CSMD2: variants seen among roughly 807,000 people sequenced by gnomAD.
The protein encoded by CSMD2 is CUB and sushi domain-containing protein 2.
Under a neutral mutation model 398.5 loss-of-function variants are expected in CSMD2, and 130 were observed. That is an observed-to-expected ratio of 0.33 (90% CI 0.28 to 0.38). The LOEUF (loss-of-function observed/expected upper bound fraction) is 0.38. Among genes scored for constraint, CSMD2 ranks in the 10% least tolerant of loss-of-function variants. CSMD2 has a pLI of 1.00. For synonymous variants in CSMD2, 1,828 were observed against 1,908.5 expected (o/e 0.96, Z 1.10); for missense variants, 3,829 against 4,764.9 (o/e 0.80, Z 5.78).
intron 1 of CSMD2, among the ~76,000 whole-genome samples, chr1:34,144,455 A>G (rs1001707177): frequency 6.6e-6 from 1 of 152,140 alleles, no homozygotes; most frequent in African/African-American, 2.4e-5. Context: ...AACTTGGCAT[A>G]CTTAGCTCAG....
intron 53 of CSMD2, among the ~76,000 whole-genome samples, chr1:33,561,417 C>T (rs1394846621): frequency 6.6e-6 from 1 of 152,132 alleles, no homozygotes; most frequent in African/African-American, 2.4e-5. Context: ...TCTATAGCTG[C>T]AAAGTAAGAA....
chr1:33,908,085 CAAAAAAAAAAAA>C (rs35932181), intron 5 of CSMD2, among the ~76,000 whole-genome samples: 4 of 77,166 alleles, frequency 5.2e-5, no homozygotes, highest in African/African-American at 6.1e-5. Context: ...GACTCCATCT[CAAAAAAAAAAAA>C]AAAAAAAAAA....
rs944652760 is a variant in CSMD2, at chr1:34,102,191, C to T, written c.188-12998G>A. ...GACTACAGGTGCCCGCCACCACGCC[C>T]GGCTAATTTTTTTTACTTTTAGTAG... On this transcript the variant is annotated intron_variant, in intron 1 of 70. Coordinates refer to ENST00000373381, the MANE Select transcript of CSMD2 (RefSeq NM_001281956.2). 7.9e-5 allele frequency among the ~76,000 whole-genome samples: 12 copies of T among 152,118 alleles called. No homozygotes were observed. The South Asian group carries it at 1.9e-3, about 24-fold the overall frequency.
chr1:33,583,894 T>C lies in CSMD2; in HGVS notation c.7052-64A>G, dbSNP rs531250831. The C allele has an allele frequency of 2.8e-6, 4 of 1,441,386 alleles. No homozygotes were observed. The South Asian group carries it at 4.9e-5, about 18-fold the overall frequency. 89.3% of individuals were successfully genotyped at this position (1,441,386 alleles called of 1,614,324 possible). On this transcript the variant is annotated intron_variant, in intron 46 of 70. Coordinates refer to ENST00000373381, the MANE Select transcript of CSMD2 (RefSeq NM_001281956.2). The stretch of plus-strand genomic sequence containing the variant: ...GGAGATGGAACTACGGCCAATACAT[T>C]TGCTTTTCCCAATACTAAAGACAAC...
At chr1:33,929,430 T>C (rs925570703) in intron 4 of CSMD2, among the ~76,000 whole-genome samples, 1 of 142,114 alleles carries the variant, frequency 7.0e-6, no homozygotes, top group African/African-American at 2.7e-5. Flanking sequence ...ACCAAGCCTA[T>C]ACTTTTTTTT....
At chr1:33,975,964 A>T (rs758077384) in intron 3 of CSMD2, among the ~76,000 whole-genome samples, 2 of 152,244 alleles carry the variant, frequency 1.3e-5, no homozygotes, top group African/African-American at 2.4e-5. Flanking sequence ...AACGTCACTC[A>T]AGATCCCTCC....
At chr1:34,036,188 T>C (rs779749055) in intron 2 of CSMD2, among the ~76,000 whole-genome samples, 4 of 151,694 alleles carry the variant, frequency 2.6e-5, no homozygotes, top group Non-Finnish European at 5.9e-5. Flanking sequence ...TTATATCCAT[T>C]AGGCCCAAAA....
chr1:33,869,291 A>AT (rs1000836108), intron 5 of CSMD2: 3 of 152,184 alleles, frequency 2.0e-5, no homozygotes, highest in Non-Finnish European at 2.9e-5. Context: ...AATCCATGGC[A>AT]TTTTTTCCCT....
intron 25 of CSMD2, among the ~76,000 whole-genome samples, chr1:33,682,169 T>C (rs990546425): frequency 3.9e-5 from 6 of 152,196 alleles, no homozygotes; most frequent in Non-Finnish European, 7.3e-5. Flanking sequence ...TATATCACTC[T>C]AACCTCTACC....
intron 2 of CSMD2, among the ~76,000 whole-genome samples, chr1:34,070,746 G>C (rs546650850): frequency 2.0e-5 from 3 of 151,846 alleles, no homozygotes; most frequent in African/African-American, 7.3e-5. Flanking sequence ...CTACTGCAAG[G>C]CTTCTTGCAG....
At chr1:33,806,113 A>G (rs1002419516) in intron 10 of CSMD2, among the ~76,000 whole-genome samples, 1 of 152,158 alleles carries the variant, frequency 6.6e-6, no homozygotes, top group Non-Finnish European at 1.5e-5. Flanking sequence ...GGTGACTGTA[A>G]TACGATACTT....
At chr1:33,742,267 G>A (rs574028798) in intron 14 of CSMD2, among the ~76,000 whole-genome samples, 17 of 152,334 alleles carry the variant, frequency 1.1e-4, no homozygotes, top group Admixed American at 7.2e-4. Flanking sequence ...CCACCAGGTA[G>A]CATCTAATGT....
At chr1:33,541,992 G>T (rs1186015628) in intron 58 of CSMD2, among the ~76,000 whole-genome samples, 5 of 152,214 alleles carry the variant, frequency 3.3e-5, no homozygotes, top group Non-Finnish European at 5.9e-5. Flanking sequence ...CCATGAAAGG[G>T]TCATGCCTAT....
rs1021982234 is a variant in CSMD2, at chr1:34,163,392, G to A, written c.187+1519C>T. 6.6e-6 allele frequency among the ~76,000 whole-genome samples: 1 copy of A among 152,330 alleles called. No homozygotes were observed. The highest frequency in any genetic ancestry group is 1.9e-4 in the East Asian group (1 of 5,168). On this transcript the variant is annotated intron_variant, in intron 1 of 70. Transcript: ENST00000373381. This position sits in a 1 kb window ranked among gnomAD's most constrained non-coding sequence, Gnocchi z 5.4. ...GGCTATGACTCTTAGCAGAACCTAA[G>A]AAAGTCCCGTCAGCTAGGAATGAGA...
At chr1:33,790,166 G>A (rs1272576610) in intron 11 of CSMD2, among the ~76,000 whole-genome samples, 1 of 152,192 alleles carries the variant, frequency 6.6e-6, no homozygotes, top group Non-Finnish European at 1.5e-5. Flanking sequence ...GAGTGATGGG[G>A]ATGCACCAAG....
intron 3 of CSMD2, among the ~76,000 whole-genome samples, chr1:33,964,026 T>G (rs1645465534): frequency 6.6e-6 from 1 of 152,224 alleles, no homozygotes; most frequent in South Asian, 2.1e-4. Flanking sequence ...CCATTTTGTC[T>G]TCTCACCTAC....
chr1:33,790,848 CT>C (rs1430321962), intron 11 of CSMD2, among the ~76,000 whole-genome samples: 10 of 144,552 alleles, frequency 6.9e-5, no homozygotes, highest in Admixed American at 4.9e-4. Flanking sequence ...TATCTATCAT[CT>C]ATCTATCTAT....
rs1422200418 is a variant in CSMD2, at chr1:33,747,147, A to G, written c.1847-3541T>C. 4.6e-5 allele frequency among the ~76,000 whole-genome samples: 7 copies of G among 152,354 alleles called. No homozygotes were observed. The South Asian group carries it at 1.5e-3, about 32-fold the overall frequency. On this transcript the variant is annotated intron_variant, in intron 13 of 70. Transcript: ENST00000373381. ...ACCAAGAGATGAATTTAAACAACAA[A>G]CTCAAGTAGGATAAAGTTGAGGTTA...
At position 34,054,294 on chromosome 1, in the gene CSMD2, C is replaced by T. The variant is rs554352369; in HGVS notation, c.405-21588G>A. On this transcript the variant is annotated intron_variant, in intron 2 of 70. Coordinates refer to ENST00000373381, the MANE Select transcript of CSMD2 (RefSeq NM_001281956.2). ...CATACTGATCAATTTATGACTAGTA[C>T]GAAGCCAGCAGGAATGTCCTAGATA... Among the ~76,000 whole-genome samples, 187 of 152,192 alleles carry T rather than the reference C, an allele frequency of 1.2e-3. 1 individual carries two copies. Among genetic ancestry groups the T allele is most frequent in the African/African-American group, 4.0e-3 (167 of 41,526 alleles).
Sources: gnomAD v4.1 joint callset for allele counts (sites outside exome capture counted in the v4.1 genomes callset) on GRCh38, gnomAD v4.1.1 for gene constraint, Gnocchi (gnomAD v3.1) non-coding constraint, MANE v1.5 for transcripts, NCBI Gene and HGNC (gene_info 2026-07-23, HGNC 2026-07-21) for gene names.